MANBA: variants seen among roughly 807,000 people sequenced by gnomAD.
The protein encoded by MANBA is mannosidase beta.
MANBA carries 83 observed loss-of-function variants against 111.1 expected under a neutral mutation model. The ratio of observed to expected loss-of-function variants is 0.75; its 90% CI spans 0.63 to 0.90. MANBA has a LOEUF of 0.90. Ranked by LOEUF, MANBA falls within the 40% of genes least tolerant of loss-of-function variation. The pLI, the probability that MANBA is intolerant of heterozygous loss-of-function variation, is 0.00. For synonymous variants in MANBA, 370 were observed against 378.7 expected, an observed-to-expected ratio of 0.98 and a Z score of 0.27; for missense variants, 1,036 against 1,069.0, an observed-to-expected ratio of 0.97 and a Z score of 0.43.
chr4:102,732,885 G>A (rs964160344), intron 1 of MANBA, among the ~76,000 whole-genome samples: 2 of 152,138 alleles, frequency 1.3e-5, no homozygotes, highest in African/African-American at 4.8e-5. Context: ...AATATCATGA[G>A]AAGGAAGGTG....
chr4:102,718,091 C>G (rs1462880831), intron 4 of MANBA, among the ~76,000 whole-genome samples: 1 of 152,112 alleles, frequency 6.6e-6, no homozygotes, highest in Non-Finnish European at 1.5e-5. Flanking sequence ...AGGTACTATT[C>G]ACATCATCAA....
intron 12 of MANBA, chr4:102,650,930 T>C: frequency 2.0e-6 from 1 of 497,372 alleles, no homozygotes; most frequent in East Asian, 3.3e-5. Flanking sequence ...TATCCTCCCT[T>C]CCTCCAACTA....
chr4:102,714,356 A>G (rs1722230044), intron 5 of MANBA, 82 bp downstream of exon 5: 7 of 1,316,182 alleles, frequency 5.3e-6, no homozygotes, highest in Middle Eastern at 2.5e-4. Flanking sequence ...TCTGAAAAAC[A>G]TACCTCTGTA....
intron 1 of MANBA, chr4:102,728,742 C>T: frequency 1.2e-6 from 1 of 861,798 alleles, no homozygotes; most frequent in Non-Finnish European, 1.8e-6. Flanking sequence ...GCTGCCGCAG[C>T]TGTTCACTTG....
rs768572757 is a variant in MANBA at position 102,634,930 on chromosome 4, A to T, written c.2273T>A (p.Leu758Gln). The T allele has an allele frequency of 5.6e-6, 9 of 1,614,124 alleles. No individual in the cohort carries two copies. In the African/African-American group the frequency reaches 1.2e-4, roughly 22 times the overall value. The change falls in exon 16 of 17, where the codon CTG becomes CAG. Residue 758 changes from leucine to glutamine, a missense_variant. Transcript: ENST00000647097. ...CLYEEPVSEL[L>Q]RRCGNCTRES... The stretch of plus-strand genomic sequence containing the variant: ...CCGTGTGCAATTCCCACATCTCCTC[A>T]GCAATTCAGACACTGGCTCCTCATA...
rs227365 is a variant in MANBA, at chr4:102,689,715, A to G, written c.850-31T>C. 0.65 allele frequency: 807,190 copies of G among 1,233,456 alleles called. 269,051 individuals are homozygous for G. Among genetic ancestry groups the G allele is most frequent in the South Asian group, 0.79 (65,655 of 82,954 alleles). The allele number at this position is 1,233,456 out of a possible 1,614,324, so 76.4% of individuals were successfully genotyped here. On this transcript the variant is annotated intron_variant, in intron 6 of 16. Coordinates refer to ENST00000647097, the MANE Select transcript of MANBA (RefSeq NM_005908.4). ...AAGAAAATTTAAAAGTCACTCTAATATGTCATATTTTCAGCAAAAAAGGCT... is the reference window on the plus strand; with the variant it reads ...AAGAAAATTTAAAAGTCACTCTAATGTGTCATATTTTCAGCAAAAAAGGCT...
Position 102,657,875 on chromosome 4 carries a change from G to A in MANBA, c.1511C>T (p.Thr504Met), listed in dbSNP as rs370002189. ...LAGDKSRPFI[T>M]SSPTNGAETV... The stretch of plus-strand genomic sequence containing the variant: ...TTCAGCCCCATTTGTAGGACTGGAC[G>A]TAATAAAAGGACGACTCTTGTCTCC... Residue 504 changes from threonine to methionine, a missense_variant, in exon 12 of 17, where the codon ACG becomes ATG. Transcript: ENST00000647097. The A allele has an allele frequency of 3.2e-5, 52 of 1,612,350 alleles. No homozygotes were observed. The highest frequency in any genetic ancestry group is 1.9e-4 in the African/African-American group (14 of 74,884).
At chr4:102,720,831 T>A (rs553342190) in intron 4 of MANBA, among the ~76,000 whole-genome samples, 2 of 152,288 alleles carry the variant, frequency 1.3e-5, no homozygotes, top group East Asian at 3.9e-4. Context: ...GACACAAGTT[T>A]AGGTAGGTTG....
At chr4:102,721,329 C>CATACATAAATAAATAA (rs71596361) in intron 4 of MANBA, among the ~76,000 whole-genome samples, 45 of 151,126 alleles carry the variant, frequency 3.0e-4, no homozygotes, top group African/African-American at 1.1e-3. Flanking sequence ...ATCTCAAATA[C>CATACATAAATAAATAA]ATAAATAAAT....
chr4:102,683,066 G>A (rs1408583105), intron 7 of MANBA, among the ~76,000 whole-genome samples: 3 of 151,832 alleles, frequency 2.0e-5, no homozygotes, highest in Non-Finnish European at 4.4e-5. Flanking sequence ...AGAGCCAAGA[G>A]TAGCACTTAG....
intron 1 of MANBA, among the ~76,000 whole-genome samples, chr4:102,747,023 T>G (rs1435994252): frequency 6.6e-6 from 1 of 150,572 alleles, no homozygotes; most frequent in Non-Finnish European, 1.5e-5. Flanking sequence ...TTTGGTCTAA[T>G]CACATTAAGC....
At chr4:102,697,259 T>C (rs1292570523) in intron 5 of MANBA, among the ~76,000 whole-genome samples, 1 of 152,082 alleles carries the variant, frequency 6.6e-6, no homozygotes. Flanking sequence ...ATGGAAAAAA[T>C]AATTTAAAGA....
intron 4 of MANBA, among the ~76,000 whole-genome samples, chr4:102,717,217 A>G (rs947085689): frequency 2.6e-5 from 4 of 152,196 alleles, no homozygotes; most frequent in Non-Finnish European, 5.9e-5. Flanking sequence ...CAACAGACAC[A>G]GCTCTTCTGC....
chr4:102,674,527 T>C (rs1731636865), intron 7 of MANBA, among the ~76,000 whole-genome samples: 1 of 152,258 alleles, frequency 6.6e-6, no homozygotes, highest in Non-Finnish European at 1.5e-5. Flanking sequence ...TAATAACACA[T>C]TACCATAAAA....
At chr4:102,757,756 T>C (rs566167123) in intron 1 of MANBA, among the ~76,000 whole-genome samples, 70 of 152,286 alleles carry the variant, frequency 4.6e-4, no homozygotes, top group East Asian at 1.2e-3. Context: ...GAGTGACCTT[T>C]AAAAAGGCAA....
chr4:102,757,980 C>T (rs1215555817), intron 1 of MANBA, among the ~76,000 whole-genome samples: 1 of 152,232 alleles, frequency 6.6e-6, no homozygotes, highest in African/African-American at 2.4e-5. Context: ...GGGCCTCTAT[C>T]CTCCCCACTC....
At chr4:102,686,191 T>C (rs1049938785) in intron 7 of MANBA, among the ~76,000 whole-genome samples, 12 of 20,596 alleles carry the variant, frequency 5.8e-4, no homozygotes, top group Non-Finnish European at 1.2e-3. Flanking sequence ...AACTAGGAAA[T>C]GTGTGTGTGT....
intron 12 of MANBA, among the ~76,000 whole-genome samples, chr4:102,655,336 G>C (rs1391100312): frequency 6.6e-6 from 1 of 152,060 alleles, no homozygotes; most frequent in African/African-American, 2.4e-5. Flanking sequence ...ATTTGGAAAT[G>C]CAAGCCACCC....
intron 2 of MANBA, 63 bp from the exon 3 acceptor site, chr4:102,724,030 T>C (rs1342302180): frequency 9.0e-6 from 8 of 886,286 alleles, no homozygotes; most frequent in African/African-American, 1.7e-5. Context: ...TAAGTCTCTT[T>C]TTTATTATTT....
Sources: gnomAD v4.1 joint callset for allele counts (sites outside exome capture counted in the v4.1 genomes callset) on GRCh38, gnomAD v4.1.1 for gene constraint, MANE v1.5 for transcripts, NCBI Gene and HGNC (gene_info 2026-07-23, HGNC 2026-07-21) for gene names.